Variants in KCND2 observed in about 807,000 individuals in gnomAD.
The protein encoded by KCND2 is potassium voltage-gated channel subfamily D member 2.
In KCND2, 16 loss-of-function variants were observed where a neutral mutation model predicts 54.4. That is an observed-to-expected ratio of 0.29 (90% CI 0.20 to 0.45). The LOEUF is 0.45. Ranked by LOEUF, KCND2 falls within the 20% of genes least tolerant of loss-of-function variation. KCND2 has a pLI of 1.00. For synonymous variants in KCND2, 317 were observed against 310.7 expected (o/e 1.02, Z -0.21); for missense variants, 486 against 824.2 (o/e 0.59, Z 5.02).
intron 1 of KCND2, among the ~76,000 whole-genome samples, chr7:120,283,078 A>C: frequency 6.6e-6 from 1 of 152,196 alleles, no homozygotes; most frequent in East Asian, 1.9e-4. Context: ...TTGGCATTTA[A>C]GCCAATGGCT....
intron 1 of KCND2, among the ~76,000 whole-genome samples, chr7:120,454,218 T>C (rs1017902397): frequency 6.6e-6 from 1 of 150,774 alleles, no homozygotes; most frequent in Non-Finnish European, 1.5e-5. Context: ...CAGAGCTGAA[T>C]TGAAGGAAAT....
At chr7:120,370,437 C>A (rs1800749263) in intron 1 of KCND2, among the ~76,000 whole-genome samples, 1 of 151,984 alleles carries the variant, frequency 6.6e-6, no homozygotes, top group African/African-American at 2.4e-5. Flanking sequence ...GTAGAGTCAA[C>A]AGAATTTTCT....
At chr7:120,398,652 T>G (rs1801196082) in intron 1 of KCND2, among the ~76,000 whole-genome samples, 1 of 152,106 alleles carries the variant, frequency 6.6e-6, no homozygotes, top group African/African-American at 2.4e-5. Context: ...TTTTGTTTGA[T>G]TTGTTTTGTT....
intron 1 of KCND2, among the ~76,000 whole-genome samples, chr7:120,578,631 C>T (rs1005483869): frequency 6.6e-6 from 1 of 152,040 alleles, no homozygotes; most frequent in African/African-American, 2.4e-5. Context: ...CTTTGGGGAC[C>T]AAGGTGGGAA....
chr7:120,695,734 C>T (rs1584887140), intron 1 of KCND2, among the ~76,000 whole-genome samples: 1 of 152,120 alleles, frequency 6.6e-6, no homozygotes, highest in African/African-American at 2.4e-5. Flanking sequence ...CCTTCCAATC[C>T]GTTCCCTCTG....
chr7:120,492,831 C>T (rs1169263549), intron 1 of KCND2, among the ~76,000 whole-genome samples: 1 of 152,024 alleles, frequency 6.6e-6, no homozygotes, highest in Non-Finnish European at 1.5e-5. Context: ...TTATCTAACA[C>T]AAAGCTTATT....
intron 1 of KCND2, among the ~76,000 whole-genome samples, chr7:120,369,759 G>T (rs1245747438): frequency 6.6e-6 from 1 of 152,000 alleles, no homozygotes; most frequent in Non-Finnish European, 1.5e-5. Context: ...GCTCAAGTTT[G>T]TTCATTCACT....
chr7:120,367,518 G>T (rs1049555140), intron 1 of KCND2, among the ~76,000 whole-genome samples: 5 of 151,426 alleles, frequency 3.3e-5, no homozygotes, highest in African/African-American at 1.2e-4. Flanking sequence ...TAAAGTAGGT[G>T]TTGAGGAGGG....
chr7:120,375,050 G>C (rs534878376), intron 1 of KCND2, among the ~76,000 whole-genome samples: 2 of 151,760 alleles, frequency 1.3e-5, no homozygotes, highest in Non-Finnish European at 2.9e-5. Context: ...CTCATGCCCA[G>C]CTCTTGGAAT....
intron 1 of KCND2, among the ~76,000 whole-genome samples, chr7:120,725,931 G>A (rs548267675): frequency 6.6e-6 from 1 of 152,282 alleles, no homozygotes; most frequent in African/African-American, 2.4e-5. Flanking sequence ...CATAGACTCC[G>A]AGGTAAAAAT....
chr7:120,359,025 A>G (rs561724415), intron 1 of KCND2, among the ~76,000 whole-genome samples: 1 of 152,312 alleles, frequency 6.6e-6, no homozygotes, highest in Non-Finnish European at 1.5e-5. Flanking sequence ...AGAAACCCTT[A>G]CAGGCCACAG....
intron 1 of KCND2, among the ~76,000 whole-genome samples, chr7:120,504,726 C>A (rs1226653223): frequency 6.6e-4 from 100 of 151,884 alleles, no homozygotes; most frequent in Non-Finnish European, 7.4e-5. Flanking sequence ...TTATGGAAAG[C>A]TCTGCAAAGT....
At chr7:120,510,838 C>G (rs1803102554) in intron 1 of KCND2, among the ~76,000 whole-genome samples, 2 of 151,986 alleles carry the variant, frequency 1.3e-5, no homozygotes, top group South Asian at 2.1e-4. Context: ...GCAGCCTCGT[C>G]CCTCCTCCTT....
intron 1 of KCND2, among the ~76,000 whole-genome samples, chr7:120,494,575 T>G (rs921520025): frequency 1.3e-5 from 2 of 152,140 alleles, no homozygotes; most frequent in Non-Finnish European, 2.9e-5. Context: ...CTTAAAAATA[T>G]GTTTATGTTT....
At chr7:120,507,484 A>T (rs1455437095) in intron 1 of KCND2, among the ~76,000 whole-genome samples, 1 of 151,886 alleles carries the variant, frequency 6.6e-6, no homozygotes, top group Non-Finnish European at 1.5e-5. Context: ...ATTTCTGGCA[A>T]ATGGGATGTA....
At chr7:120,581,542 C>T (rs1330436953) in intron 1 of KCND2, among the ~76,000 whole-genome samples, 3 of 152,142 alleles carry the variant, frequency 2.0e-5, no homozygotes, top group African/African-American at 7.2e-5. Context: ...ATAATGAGCA[C>T]AGATAGCAAC....
At chr7:120,549,436 G>A (rs1253241008) in intron 1 of KCND2, among the ~76,000 whole-genome samples, 1 of 152,106 alleles carries the variant, frequency 6.6e-6, no homozygotes, top group Non-Finnish European at 1.5e-5. Flanking sequence ...TTTTCTCTAA[G>A]CATAATAACA....
At chr7:120,553,210 T>A (rs1262798793) in intron 1 of KCND2, among the ~76,000 whole-genome samples, 1 of 152,228 alleles carries the variant, frequency 6.6e-6, no homozygotes, top group Non-Finnish European at 1.5e-5. Flanking sequence ...TCTATGAGTT[T>A]GACTTCTGTA....
intron 1 of KCND2, among the ~76,000 whole-genome samples, chr7:120,634,242 A>T (rs918342664): frequency 6.6e-6 from 1 of 152,174 alleles, no homozygotes; most frequent in African/African-American, 2.4e-5. Flanking sequence ...TGTATTGAAC[A>T]ATAATACTTA....
Sources: allele counts gnomAD v4.1 joint callset (sites outside exome capture counted in the v4.1 genomes callset), GRCh38; gene constraint gnomAD v4.1.1; transcripts MANE v1.5; gene names NCBI Gene and HGNC (gene_info 2026-07-23, HGNC 2026-07-21).